Variants in APP observed in about 807,000 individuals in gnomAD.
APP encodes amyloid beta precursor protein, also known as amyloid-beta precursor protein.
A neutral mutation model predicts 101.4 loss-of-function variants in APP; 31 were observed. That is an observed-to-expected ratio of 0.31 (90% CI 0.23 to 0.41). APP has a LOEUF of 0.41. Among genes scored for constraint, APP ranks in the 10% least tolerant of loss-of-function variants. The probability of loss-of-function intolerance (pLI) is 1.00; values close to 1 mark genes in which losing one functional copy is unlikely to be tolerated. For synonymous variants in APP, 366 were observed against 364.4 expected (o/e 1.00, Z -0.05); for missense variants, 839 against 1,003.7 (o/e 0.84, Z 2.22).
intron 13 of APP, among the ~76,000 whole-genome samples, chr21:25,925,569 C>T (rs895223501): frequency 6.6e-6 from 1 of 152,212 alleles, no homozygotes; most frequent in Non-Finnish European, 1.5e-5. Flanking sequence ...CCCTCCACCA[C>T]ACTGACCACA....
chr21:26,086,631 T>A (rs935875974), intron 3 of APP, among the ~76,000 whole-genome samples: 1 of 152,124 alleles, frequency 6.6e-6, no homozygotes, highest in Admixed American at 6.5e-5. Context: ...CATACTTATG[T>A]TAATGCTGAA....
intron 1 of APP, among the ~76,000 whole-genome samples, chr21:26,131,514 A>G (rs542707409): frequency 6.6e-6 from 1 of 152,348 alleles, no homozygotes; most frequent in African/African-American, 2.4e-5. Flanking sequence ...CTTATTAGAG[A>G]CAACAACAGT....
At chr21:26,088,049 C>T (rs1238448368) in intron 3 of APP, among the ~76,000 whole-genome samples, 1 of 152,022 alleles carries the variant, frequency 6.6e-6, no homozygotes, top group Non-Finnish European at 1.5e-5. Flanking sequence ...GTTGCCCAGG[C>T]TGGTCTCTAA....
At chr21:25,932,570 C>G (rs1361303435) in intron 13 of APP, among the ~76,000 whole-genome samples, 1 of 152,184 alleles carries the variant, frequency 6.6e-6, no homozygotes, top group East Asian at 1.9e-4. Flanking sequence ...ACTTTCCAGT[C>G]TTGGCACAAG....
chr21:25,886,399 AT>A (rs113643516), intron 17 of APP, among the ~76,000 whole-genome samples: 1,947 of 143,386 alleles, frequency 0.014, 23 homozygotes, highest in African/African-American at 0.037. Flanking sequence ...TCCCTTCATA[AT>A]TTTTTTTTTT....
intron 9 of APP, among the ~76,000 whole-genome samples, chr21:25,979,278 T>C (rs377532210): frequency 1.3e-5 from 2 of 152,206 alleles, no homozygotes; most frequent in South Asian, 2.1e-4. Flanking sequence ...AACCGCACAA[T>C]TTTTAAAATT....
At chr21:26,002,453 C>A (rs2043341062) in intron 6 of APP, among the ~76,000 whole-genome samples, 1 of 19,098 alleles carries the variant, frequency 5.2e-5, no homozygotes, top group South Asian at 1.5e-3. Flanking sequence ...TAACAAACAT[C>A]TACAGCTTCA....
intron 16 of APP, among the ~76,000 whole-genome samples, chr21:25,895,939 C>T (rs1486127268): frequency 2.6e-5 from 4 of 152,152 alleles, no homozygotes; most frequent in Non-Finnish European, 5.9e-5. Context: ...GTAGAGGGAG[C>T]TGATTCTCCT....
intron 1 of APP, among the ~76,000 whole-genome samples, chr21:26,119,657 T>C (rs374918206): frequency 5.9e-5 from 9 of 151,950 alleles, no homozygotes; most frequent in Admixed American, 3.3e-4. Flanking sequence ...CAGCTACTTG[T>C]ATGGTATGTA....
intron 3 of APP, among the ~76,000 whole-genome samples, chr21:26,087,011 G>A (rs2061719196): frequency 6.6e-6 from 1 of 152,162 alleles, no homozygotes; most frequent in Non-Finnish European, 1.5e-5. Flanking sequence ...TCTATTAAGT[G>A]CAAGTAAAAT....
chr21:25,942,431 C>T (rs926293039), intron 13 of APP: 4 of 152,144 alleles, frequency 2.6e-5, no homozygotes, highest in African/African-American at 9.7e-5. Flanking sequence ...AGATTCTTTC[C>T]TTTGCTAATA....
intron 13 of APP, among the ~76,000 whole-genome samples, chr21:25,944,822 A>G (rs1435100583): frequency 6.6e-6 from 1 of 152,208 alleles, no homozygotes; most frequent in Non-Finnish European, 1.5e-5. Flanking sequence ...CTACAAAAAA[A>G]GCAGGACACA....
chr21:26,148,213 A>T (rs1352732998), intron 1 of APP, among the ~76,000 whole-genome samples: 1 of 152,178 alleles, frequency 6.6e-6, no homozygotes, highest in African/African-American at 2.4e-5. Context: ...TGTGGTAAAC[A>T]ATTATTTCAA....
At chr21:26,090,510 T>C (rs1356152719) in intron 2 of APP, among the ~76,000 whole-genome samples, 2 of 57,076 alleles carry the variant, frequency 3.5e-5, no homozygotes, top group African/African-American at 1.5e-4. Flanking sequence ...CCATTCAAAA[T>C]ATTAAGCAAT....
chr21:26,030,580 A>G (rs114751959), intron 5 of APP, among the ~76,000 whole-genome samples: 240 of 152,360 alleles, frequency 1.6e-3, no homozygotes, highest in African/African-American at 5.5e-3. Flanking sequence ...GTAAAAGGCT[A>G]AATTGCTTTT....
intron 13 of APP, among the ~76,000 whole-genome samples, chr21:25,950,138 C>T (rs1249757048): frequency 2.0e-5 from 3 of 152,150 alleles, no homozygotes; most frequent in African/African-American, 7.2e-5. Context: ...CCTGCCACTG[C>T]CACATCTCTA....
In APP at chr21:25,887,540, A is replaced by AC. The variant is rs1555888115; in HGVS notation, c.2211+4181dup. On this transcript the variant is annotated intron_variant, in intron 17 of 17. Transcript: ENST00000346798. ...TTGAAAAAAAAAAAAAAAAAAAAAA[A>AC]CAACAACTAGCAAGTGCTCATTTCC... Among the ~76,000 whole-genome samples, 899 of 139,054 alleles carry AC rather than the reference A, an allele frequency of 6.5e-3. 39 individuals are homozygous for AC. The highest frequency in any genetic ancestry group is 7.6e-3 in the Middle Eastern group (2 of 262). 91.2% of individuals were successfully genotyped at this position (139,054 alleles called of 152,430 possible).
At chr21:25,980,742 G>A (rs376050178) in intron 9 of APP, among the ~76,000 whole-genome samples, 33 of 152,118 alleles carry the variant, frequency 2.2e-4, no homozygotes, top group African/African-American at 6.0e-4. Flanking sequence ...TTAGTTTTAT[G>A]TTTTCAAGGG....
At chr21:25,969,230 C>G (rs2041913123) in intron 11 of APP, among the ~76,000 whole-genome samples, 1 of 150,100 alleles carries the variant, frequency 6.7e-6, no homozygotes, top group African/African-American at 2.5e-5. Flanking sequence ...TGCCTGTAGT[C>G]CCAGCTACTT....
Sources: gnomAD v4.1 joint callset for allele counts (sites outside exome capture counted in the v4.1 genomes callset) on GRCh38, gnomAD v4.1.1 for gene constraint, MANE v1.5 for transcripts, NCBI Gene and HGNC (gene_info 2026-07-23, HGNC 2026-07-21) for gene names.